The following DSCAM variants were observed in gnomAD, a reference collection of about 807,000 sequenced individuals.
DSCAM encodes DS cell adhesion molecule, also known as cell adhesion molecule DSCAM.
A neutral mutation model predicts 217.7 loss-of-function variants in DSCAM; 47 were observed. The ratio of observed to expected loss-of-function variants is 0.22; its 90% CI spans 0.17 to 0.28. DSCAM has a LOEUF of 0.28. Ranked by LOEUF, DSCAM falls within the 10% of genes least tolerant of loss-of-function variation. The pLI, the probability that DSCAM is intolerant of heterozygous loss-of-function variation, is 1.00. For synonymous variants in DSCAM, 1,056 were observed against 1,015.3 expected (o/e 1.04, Z -0.76); for missense variants, 2,080 against 2,618.3 (o/e 0.79, Z 4.49).
chr21:40,044,925 A>G (rs1201012452), intron 30 of DSCAM, among the ~76,000 whole-genome samples: 2 of 152,186 alleles, frequency 1.3e-5, no homozygotes, highest in Non-Finnish European at 2.9e-5. Context: ...CCTAACCCCC[A>G]GGACCTCAGA....
intron 32 of DSCAM, among the ~76,000 whole-genome samples, chr21:40,015,861 C>T (rs2088148281): frequency 6.6e-6 from 1 of 152,242 alleles, no homozygotes; most frequent in African/African-American, 2.4e-5. Flanking sequence ...CACTGCCTGA[C>T]TTGAGCTGGA....
rs1489589742 is a variant in DSCAM at position 40,847,023 on chromosome 21, C to T, written c.-362G>A. On this transcript the variant is annotated 5_prime_UTR_variant, in exon 1 of 33. Coordinates refer to ENST00000400454, the MANE Select transcript of DSCAM (RefSeq NM_001389.5). Reference sequence around the variant, plus strand: ...GCACTCGGCGCCCAGAATGCGCAGCCAGCGGCCTCCCGTGCGCCAGCCCTC... The same window carrying T: ...GCACTCGGCGCCCAGAATGCGCAGCTAGCGGCCTCCCGTGCGCCAGCCCTC... 1.3e-5 allele frequency: 2 copies of T among 152,358 alleles called. No homozygotes were observed. Among genetic ancestry groups the T allele is most frequent in the Non-Finnish European group, 2.9e-5 (2 of 68,184 alleles). 9.4% of individuals were successfully genotyped at this position (152,358 alleles called of 1,614,324 possible). A position where few individuals can be genotyped will look rare whatever the true frequency, so the allele number is the denominator to read the frequency against.
chr21:40,314,094 C>T (rs1428856313), intron 8 of DSCAM, among the ~76,000 whole-genome samples: 1 of 152,182 alleles, frequency 6.6e-6, no homozygotes, highest in Non-Finnish European at 1.5e-5. Context: ...GCTGGGCACA[C>T]AGCAATGAGC....
rs529989766 is a variant in DSCAM, at chr21:40,113,852, C to A, written c.3696+10343G>T. 1.1e-4 allele frequency among the ~76,000 whole-genome samples: 16 copies of A among 152,198 alleles called. No individual in the cohort carries two copies. The South Asian group carries it at 2.3e-3, about 22-fold the overall frequency. On this transcript the variant is annotated intron_variant, in intron 20 of 32. Coordinates refer to ENST00000400454, the MANE Select transcript of DSCAM (RefSeq NM_001389.5). ...ATAAAATACCTAGGAATCCAACTTA[C>A]AAGGGATGTGAAGGACCTCTTCAAG...
At chr21:40,759,683 G>A (rs575692897) in intron 1 of DSCAM, among the ~76,000 whole-genome samples, 107 of 152,232 alleles carry the variant, frequency 7.0e-4, no homozygotes, top group African/African-American at 2.4e-3. Flanking sequence ...GGGAGCATGA[G>A]AACCATTCTG....
intron 30 of DSCAM, among the ~76,000 whole-genome samples, chr21:40,047,811 T>C (rs2088866185): frequency 6.6e-6 from 1 of 152,158 alleles, no homozygotes; most frequent in Non-Finnish European, 1.5e-5. Flanking sequence ...TGGATGCACC[T>C]CACCCACCCC....
chr21:40,575,964 T>C (rs2076847161), intron 3 of DSCAM, among the ~76,000 whole-genome samples: 2 of 152,198 alleles, frequency 1.3e-5, no homozygotes, highest in South Asian at 4.1e-4. Context: ...CTATATTGGT[T>C]AAAATTTAAA....
intron 20 of DSCAM, among the ~76,000 whole-genome samples, chr21:40,096,564 C>T (rs1424865762): frequency 6.6e-6 from 1 of 151,948 alleles, no homozygotes; most frequent in Non-Finnish European, 1.5e-5. Flanking sequence ...CTAACATGCA[C>T]ATAGTGGAGT....
intron 20 of DSCAM, among the ~76,000 whole-genome samples, chr21:40,102,218 A>C (rs2146612308): frequency 6.6e-6 from 1 of 152,330 alleles, no homozygotes; most frequent in Middle Eastern, 3.4e-3. Flanking sequence ...AATATTTATA[A>C]GATGCCTAAA....
intron 3 of DSCAM, among the ~76,000 whole-genome samples, chr21:40,488,218 C>T (rs924437245): frequency 2.0e-5 from 3 of 152,210 alleles, no homozygotes; most frequent in Admixed American, 1.3e-4. Context: ...TGGCTGGAGA[C>T]GGACACCTTT....
At position 40,140,936 on chromosome 21, in the gene DSCAM, G is replaced by T. The variant is rs914496136; in HGVS notation, c.3406+1622C>A. The stretch of plus-strand genomic sequence containing the variant: ...GTCTACTGCAGGACCAAGGAGGGCG[G>T]GGGGGGGTCCTTCTAGATTGCCTCC... On this transcript the variant is annotated intron_variant, in intron 18 of 32. Transcript: ENST00000400454. Among the ~76,000 whole-genome samples, 33 of 6,640 alleles carry T rather than the reference G, an allele frequency of 5.0e-3. No individual in the cohort carries two copies. In the Admixed American group the frequency reaches 0.07, roughly 14 times the overall value. The allele number at this position is 6,640 out of a possible 152,430, so 4.4% of individuals were successfully genotyped here.
chr21:40,316,262 T>G (rs2074195732), intron 8 of DSCAM, among the ~76,000 whole-genome samples: 1 of 152,228 alleles, frequency 6.6e-6, no homozygotes, highest in Admixed American at 6.5e-5. Context: ...TAAGGACACA[T>G]TAGGTCAGTA....
chr21:40,549,833 C>T (rs59885538), intron 3 of DSCAM, among the ~76,000 whole-genome samples: 5,360 of 152,204 alleles, frequency 0.035, 321 homozygotes, highest in African/African-American at 0.12. Context: ...TCATGCAAGA[C>T]GAGATAAATA....
chr21:40,280,364 A>AT (rs1286481291), intron 10 of DSCAM, among the ~76,000 whole-genome samples: 1 of 151,804 alleles, frequency 6.6e-6, no homozygotes, highest in Non-Finnish European at 1.5e-5. Context: ...GCCTTTAAAA[A>AT]TTTTTTGTAA....
intron 27 of DSCAM, among the ~76,000 whole-genome samples, chr21:40,069,188 A>G (rs1015998617): frequency 1.4e-4 from 21 of 152,190 alleles, no homozygotes; most frequent in Non-Finnish European, 2.9e-4. Flanking sequence ...CTAAGGCAGG[A>G]TGGTGTATAG....
At chr21:40,559,786 C>CTTTTTTTTT (rs548599799) in intron 3 of DSCAM, among the ~76,000 whole-genome samples, 5 of 109,410 alleles carry the variant, frequency 4.6e-5, no homozygotes, top group Non-Finnish European at 5.5e-5. Context: ...AATTTTCTGT[C>CTTTTTTTTT]TTTTTTTTTT....
At chr21:40,452,793 A>G (rs1395930600) in intron 3 of DSCAM, among the ~76,000 whole-genome samples, 1 of 152,128 alleles carries the variant, frequency 6.6e-6, no homozygotes, top group Non-Finnish European at 1.5e-5. Flanking sequence ...TAATAGCTGC[A>G]AAGAAGATGT....
chr21:40,435,239 G>C (rs2075572608), intron 3 of DSCAM, among the ~76,000 whole-genome samples: 1 of 152,194 alleles, frequency 6.6e-6, no homozygotes, highest in African/African-American at 2.4e-5. Context: ...GGAAAATCCT[G>C]TGAGCCCGCA....
intron 3 of DSCAM, among the ~76,000 whole-genome samples, chr21:40,377,619 C>A (rs2837590): frequency 6.6e-6 from 1 of 151,458 alleles, no homozygotes; most frequent in African/African-American, 2.4e-5. Flanking sequence ...AGTCAAGCTG[C>A]AGACAGGGCG....
Sources: allele counts gnomAD v4.1 joint callset (sites outside exome capture counted in the v4.1 genomes callset), GRCh38; gene constraint gnomAD v4.1.1; transcripts MANE v1.5; gene names NCBI Gene and HGNC (gene_info 2026-07-23, HGNC 2026-07-21).